Variants in VWDE observed in about 807,000 individuals in gnomAD.
VWDE encodes von Willebrand factor D and EGF domain-containing protein.
VWDE carries 207 observed loss-of-function variants against 178.4 expected under a neutral mutation model. That is an observed-to-expected ratio of 1.16 (90% CI 1.04 to 1.30). The LOEUF (loss-of-function observed/expected upper bound fraction) is 1.30. VWDE is among the 50% of genes most tolerant of loss of function. The pLI, the probability that VWDE is intolerant of heterozygous loss-of-function variation, is 0.00. For synonymous variants in VWDE, 738 were observed against 651.4 expected, an observed-to-expected ratio of 1.13 and a Z score of -2.02; for missense variants, 2,287 against 1,901.3, an observed-to-expected ratio of 1.20 and a Z score of -3.77.
chr7:12,379,236 A>C (rs1783700466), intron 6 of VWDE, among the ~76,000 whole-genome samples: 2 of 152,200 alleles, frequency 1.3e-5, no homozygotes, highest in African/African-American at 4.8e-5. Context: ...CTTCTGCTTT[A>C]CTCTAATTTG....
intron 2 of VWDE, among the ~76,000 whole-genome samples, chr7:12,391,220 ATGT>A (rs975987457): frequency 6.6e-6 from 1 of 152,236 alleles, no homozygotes; most frequent in African/African-American, 2.4e-5. Context: ...TTATGAAGAA[ATGT>A]TGTTCCATTC....
rs76595131 is a variant in VWDE at position 12,332,675 on chromosome 7, A to G, written c.4758+790T>C. ...AATAACTTTTGCTTTCCAGTTTTCAAACCATAGCCCTATTATGATCTGGTT... is the reference window on the plus strand; with the variant it reads ...AATAACTTTTGCTTTCCAGTTTTCAGACCATAGCCCTATTATGATCTGGTT... On this transcript the variant is annotated intron_variant, in intron 28 of 28. Transcript: ENST00000275358. Among the ~76,000 whole-genome samples the G allele has an allele frequency of 8.5e-5, 13 of 152,258 alleles. No homozygotes were observed. The East Asian group carries it at 2.1e-3, about 25-fold the overall frequency.
chr7:12,335,993 T>C, intron 27 of VWDE, 148 bp downstream of exon 27: 1 of 653,482 alleles, frequency 1.5e-6, no homozygotes, highest in Non-Finnish European at 2.5e-6. Flanking sequence ...TTAGGAAGTT[T>C]TTGTTTTATA....
At chr7:12,387,977 G>A (rs1784187912) in intron 3 of VWDE, among the ~76,000 whole-genome samples, 1 of 152,086 alleles carries the variant, frequency 6.6e-6, no homozygotes, top group Non-Finnish European at 1.5e-5. Flanking sequence ...TCAAAACTAG[G>A]AGATTTACCT....
intron 4 of VWDE, among the ~76,000 whole-genome samples, chr7:12,381,443 A>G (rs915854896): frequency 6.6e-6 from 1 of 152,112 alleles, no homozygotes; most frequent in Admixed American, 6.5e-5. Context: ...AGATTTTAAA[A>G]TGTTCTAAAA....
At chr7:12,368,820 A>G (rs1783000501) in intron 12 of VWDE, among the ~76,000 whole-genome samples, 1 of 152,110 alleles carries the variant, frequency 6.6e-6, no homozygotes, top group Admixed American at 6.6e-5. Flanking sequence ...AAGAAATGAA[A>G]TGCTTTGAAG....
Position 12,352,851 on chromosome 7 carries a change from T to C in VWDE, c.3746-1138A>G, listed in dbSNP as rs570328798. ...GTCTTCTATAACTTAGTTTTTTCTC[T>C]TTTAATCTTTTAAAATGTTGATGCC... On this transcript the variant is annotated intron_variant, in intron 18 of 28. Coordinates refer to ENST00000275358, the MANE Select transcript of VWDE (RefSeq NM_001135924.3). Among the ~76,000 whole-genome samples, 17 of 152,336 alleles carry C rather than the reference T, an allele frequency of 1.1e-4. No homozygotes were observed. In the East Asian group the frequency reaches 3.3e-3, roughly 29 times the overall value.
chr7:12,338,164 CT>C (rs1323557346), intron 24 of VWDE, among the ~76,000 whole-genome samples: 1 of 151,784 alleles, frequency 6.6e-6, no homozygotes, highest in Non-Finnish European at 1.5e-5. Context: ...AAAAATTCTA[CT>C]GTTTTCAAAT....
intron 1 of VWDE, among the ~76,000 whole-genome samples, chr7:12,401,929 G>C (rs1472143840): frequency 6.6e-6 from 1 of 152,096 alleles, no homozygotes; most frequent in Non-Finnish European, 1.5e-5. Context: ...ACAAAATATA[G>C]TATATCCACA....
At chr7:12,383,783 C>G (rs1411945329) in intron 3 of VWDE, among the ~76,000 whole-genome samples, 182 bp from the exon 4 acceptor site, 3 of 152,084 alleles carry the variant, frequency 2.0e-5, no homozygotes, top group Admixed American at 2.0e-4. Context: ...GATAAGGCAT[C>G]ATATTTCAAA....
In VWDE at chr7:12,369,794, A is replaced by C; in HGVS notation, c.2512T>G (p.Cys838Gly). The C allele has an allele frequency of 1.9e-6, 3 of 1,551,484 alleles. No individual in the cohort carries two copies. Among genetic ancestry groups the C allele is most frequent in the Non-Finnish European group, 2.6e-6 (3 of 1,146,904 alleles). The change falls in exon 12 of 29, where the codon TGT becomes GGT. Residue 838 changes from cysteine to glycine, a missense_variant. Coordinates refer to ENST00000275358, the MANE Select transcript of VWDE (RefSeq NM_001135924.3). ...GKRLDSVIEM[C>G]VKDVLLKDDL... is the part of the protein sequence containing the mutation. Reference sequence around the variant, plus strand: ...TCTTTTAACAGAACATCCTTCACACACATCTCTATAACACTGTCTAATCTC... The same window carrying C: ...TCTTTTAACAGAACATCCTTCACACCCATCTCTATAACACTGTCTAATCTC...
intron 21 of VWDE, 96 bp from the exon 22 acceptor site, chr7:12,343,274 A>T: frequency 1.2e-6 from 1 of 839,570 alleles, no homozygotes; most frequent in Non-Finnish European, 1.8e-6. Context: ...TTGTTGTAAG[A>T]GTAATTTATA....
intron 2 of VWDE, among the ~76,000 whole-genome samples, chr7:12,391,515 A>G (rs1179242636): frequency 6.6e-6 from 1 of 152,238 alleles, no homozygotes; most frequent in Non-Finnish European, 1.5e-5. Context: ...AAACAATTAT[A>G]GCTAAATCAG....
intron 24 of VWDE, 89 bp downstream of exon 24, chr7:12,340,233 C>T: frequency 9.8e-7 from 1 of 1,017,390 alleles, no homozygotes; most frequent in Non-Finnish European, 1.4e-6. Flanking sequence ...CGCATCTTTC[C>T]CTTTGAAACT....
chr7:12,367,442 T>G lies in VWDE; in HGVS notation c.2813A>C (p.Gln938Pro). The change falls in exon 13 of 29, where the codon CAA becomes CCA. Residue 938 changes from glutamine (Q) to proline (P), a missense_variant. Coordinates refer to ENST00000275358, the MANE Select transcript of VWDE (RefSeq NM_001135924.3). ...TCTCACCATCATACAATTATATTTT[T>G]GAACATCACAGAATCCAGCATTCCC... ...ELGNAGFCDV[Q>P]KYNCMMVRVF... 1 of 1,546,602 alleles carries G rather than the reference T, an allele frequency of 6.5e-7. No homozygotes were observed. The highest frequency in any genetic ancestry group is 8.7e-7 in the Non-Finnish European group (1 of 1,144,422).
At chr7:12,355,348 G>A (rs1318272462) in intron 18 of VWDE, among the ~76,000 whole-genome samples, 1 of 151,626 alleles carries the variant, frequency 6.6e-6, no homozygotes, top group Admixed American at 6.6e-5. Context: ...CCCAGGAGGC[G>A]GAGCTTGCAG....
In VWDE at chr7:12,370,837, G is replaced by A. The variant is rs780124245; in HGVS notation, c.1615C>T (p.Arg539Cys). The change falls in exon 11 of 29, where the codon CGT becomes TGT. Residue 539 changes from arginine to cysteine, a missense_variant. Physicochemically the swap from Arg to Cys is radical, Grantham distance 180 (BLOSUM62 -3). Transcript: ENST00000275358. ...ATGCCCCATTCACCAAGATCAGCAC[G>A]GATAAATGCCCCAGAAGAAAACCAG... ...TIWFSSGAFI[R>C]ADLGEWGMSL... 27 of 1,536,430 alleles carry A rather than the reference G, an allele frequency of 1.8e-5. No homozygotes were observed. The highest frequency in any genetic ancestry group is 3.8e-5 in the South Asian group (3 of 79,820).
At chr7:12,396,577 T>C (rs183463239) in intron 1 of VWDE, among the ~76,000 whole-genome samples, 4 of 152,236 alleles carry the variant, frequency 2.6e-5, no homozygotes, top group African/African-American at 7.2e-5. Flanking sequence ...CAAAATAGAA[T>C]TTTGTTGGAA....
At chr7:12,345,335 T>C (rs1781546012) in intron 19 of VWDE, among the ~76,000 whole-genome samples, 2 of 152,146 alleles carry the variant, frequency 1.3e-5, no homozygotes, top group Non-Finnish European at 2.9e-5. Context: ...ATCTTTTTAA[T>C]AACTTAAACT....
Sources: gnomAD v4.1 joint callset for allele counts (sites outside exome capture counted in the v4.1 genomes callset) on GRCh38, gnomAD v4.1.1 for gene constraint, MANE v1.5 for transcripts, NCBI Gene and HGNC (gene_info 2026-07-23, HGNC 2026-07-21) for gene names.